Variants in NOSTRIN observed in about 807,000 individuals in gnomAD.
NOSTRIN encodes the protein BM247 homolog.
In NOSTRIN, 63 loss-of-function variants were observed where a neutral mutation model predicts 59.0. The ratio of observed to expected loss-of-function variants is 1.07; its 90% CI spans 0.87 to 1.32. The LOEUF (loss-of-function observed/expected upper bound fraction) is 1.32, where lower values mean the gene tolerates loss of function less well. Among genes scored for constraint, NOSTRIN ranks in the 40% most tolerant of loss-of-function variants. The pLI is 0.00. For synonymous variants in NOSTRIN, 200 were observed against 165.4 expected (o/e 1.21, Z -1.61); for missense variants, 512 against 473.1 (o/e 1.08, Z -0.76).
rs1369835587 is a variant in NOSTRIN, at chr2:168,824,615, A to G, written c.114-19A>G. On this transcript the variant is annotated intron_variant, in intron 2 of 15. Coordinates refer to ENST00000317647, the MANE Select transcript of NOSTRIN (RefSeq NM_001039724.4). Reference sequence around the variant, plus strand: ...TGCCCAGCCCAGTACATCCTATTTAACTAGTCCTTTTCTAACAGGGCAAAC... The same window carrying G: ...TGCCCAGCCCAGTACATCCTATTTAGCTAGTCCTTTTCTAACAGGGCAAAC... 1 of 870,820 alleles carries G rather than the reference A, an allele frequency of 1.1e-6. No homozygotes were observed. The highest frequency in any genetic ancestry group is 2.0e-6 in the Non-Finnish European group (1 of 500,274). The allele number at this position is 870,820 out of a possible 1,614,324, so 53.9% of individuals were successfully genotyped here.
At chr2:168,809,720 A>G (rs1033051186) in intron 1 of NOSTRIN, among the ~76,000 whole-genome samples, 3 of 147,968 alleles carry the variant, frequency 2.0e-5, no homozygotes, top group Non-Finnish European at 4.5e-5. Context: ...AATAATAAAT[A>G]TATTATTATA....
intron 2 of NOSTRIN, among the ~76,000 whole-genome samples, chr2:168,790,556 C>G (rs372605906): frequency 3.3e-5 from 5 of 152,154 alleles, no homozygotes; most frequent in Non-Finnish European, 7.3e-5. Flanking sequence ...CATGAGCAAA[C>G]ATCAGATAAG....
chr2:168,813,098 A>T (rs1352764266), intron 2 of NOSTRIN, among the ~76,000 whole-genome samples: 1 of 152,178 alleles, frequency 6.6e-6, no homozygotes, highest in Non-Finnish European at 1.5e-5. Flanking sequence ...GCCATCTGAG[A>T]GGGAATTTCT....
At chr2:168,837,229 T>A (rs1260916721) in intron 7 of NOSTRIN, among the ~76,000 whole-genome samples, 1 of 151,434 alleles carries the variant, frequency 6.6e-6, no homozygotes, top group East Asian at 1.9e-4. Context: ...GGTCTCACAT[T>A]CCTCTCCAGA....
intron 5 of NOSTRIN, among the ~76,000 whole-genome samples, chr2:168,830,909 A>C (rs150450833): frequency 6.6e-6 from 1 of 152,200 alleles, no homozygotes; most frequent in East Asian, 1.9e-4. Flanking sequence ...ACATGTTTAC[A>C]TGCTTTTTAC....
rs1008546056 is a variant in NOSTRIN at position 168,802,653 on chromosome 2, G to A, written c.7G>A (p.Asp3Asn). 2.3e-6 allele frequency: 2 copies of A among 869,604 alleles called. No individual in the cohort carries two copies. Among genetic ancestry groups the A allele is most frequent in the Non-Finnish European group, 4.0e-6 (2 of 500,804 alleles). The allele number at this position is 869,604 out of a possible 1,614,324, so 53.9% of individuals were successfully genotyped here. MR[D>N]PLTDCPYNKV... ...AAGCCAGACACATTTCAACATGAGG[G>A]ACCCACTGACAGATTGTCCGGTGAG... Residue 3 changes from aspartate to asparagine, a missense_variant, in exon 1 of 16, where the codon GAC becomes AAC. Coordinates refer to ENST00000317647, the MANE Select transcript of NOSTRIN (RefSeq NM_001039724.4).
chr2:168,798,392 C>T (rs1309552106), upstream of NOSTRIN, among the ~76,000 whole-genome samples: 1 of 152,180 alleles, frequency 6.6e-6, no homozygotes, highest in Non-Finnish European at 1.5e-5. Context: ...CTTTTTCTTA[C>T]TAGCTTACCA....
chr2:168,824,632 A>G lies in NOSTRIN; in HGVS notation c.114-2A>G. On this transcript the variant is annotated splice_acceptor_variant, in intron 2 of 15. Coordinates refer to ENST00000317647, the MANE Select transcript of NOSTRIN (RefSeq NM_001039724.4). LOFTEE classifies it high-confidence loss of function. ...CCTATTTAACTAGTCCTTTTCTAAC[A>G]GGGCAAACCTGGAAATTAGCTATGC... 1.1e-6 allele frequency: 1 copy of G among 872,206 alleles called. No homozygotes were observed. Among genetic ancestry groups the G allele is most frequent in the South Asian group, 1.3e-5 (1 of 76,528 alleles). The allele number at this position is 872,206 out of a possible 1,614,324, so 54.0% of individuals were successfully genotyped here. A position where few individuals can be genotyped will look rare whatever the true frequency, so the allele number is the denominator to read the frequency against.
At chr2:168,861,484 T>TA (rs79373488) in intron 14 of NOSTRIN, among the ~76,000 whole-genome samples, 1,548 of 141,818 alleles carry the variant, frequency 0.011, 9 homozygotes, top group African/African-American at 0.018. Context: ...GAAATTGGTT[T>TA]AAAAAAAAAA....
At position 168,829,656 on chromosome 2, in the gene NOSTRIN, G is replaced by A. The variant is rs1413819017; in HGVS notation, c.342+1155G>A. ...TCATTTGTGTTCCTTTTTCTTTTTC[G>A]TTGTGTATTATTCAGTAGTTAAGCA... is the stretch of plus-strand genomic sequence containing the variant. On this transcript the variant is annotated intron_variant, in intron 5 of 15. Coordinates refer to ENST00000317647, the MANE Select transcript of NOSTRIN (RefSeq NM_001039724.4). 3.9e-5 allele frequency among the ~76,000 whole-genome samples: 6 copies of A among 151,938 alleles called. No homozygotes were observed. In the East Asian group the frequency reaches 5.8e-4, roughly 15 times the overall value.
At chr2:168,801,909 G>T (rs969013272), upstream of NOSTRIN, among the ~76,000 whole-genome samples, 7 of 152,172 alleles carry the variant, frequency 4.6e-5, no homozygotes, top group Non-Finnish European at 8.8e-5. Context: ...TCCTGTTGGG[G>T]CTGGAGCGAG....
At chr2:168,798,937 G>A (rs1006264647), upstream of NOSTRIN, among the ~76,000 whole-genome samples, 2 of 151,986 alleles carry the variant, frequency 1.3e-5, no homozygotes, top group African/African-American at 2.4e-5. Context: ...GGGGAGTATG[G>A]GGCTCAAGTC....
At position 168,856,774 on chromosome 2, in the gene NOSTRIN, A is replaced by G; in HGVS notation, c.1049A>G (p.Asp350Gly). The G allele has an allele frequency of 1.2e-6, 2 of 1,613,792 alleles. No homozygotes were observed. The highest frequency in any genetic ancestry group is 1.7e-6 in the Non-Finnish European group (2 of 1,179,698). The change falls in exon 12 of 16, where the codon GAT becomes GGT. Residue 350 changes from aspartate to glycine, a missense_variant. Transcript: ENST00000317647. ...KSQKDTAALM[D>G]ENNLKLDLLE... is the part of the protein sequence containing the mutation. ...CAGAAAGACACAGCAGCGTTAATGG[A>G]TGAGGTAAATGTTTGCCGAGTGCAT...
At chr2:168,849,558 G>T (rs7595110) in intron 8 of NOSTRIN, among the ~76,000 whole-genome samples, 3 of 151,202 alleles carry the variant, frequency 2.0e-5, no homozygotes, top group African/African-American at 7.3e-5. Context: ...GTTTTGCCAC[G>T]TTGGGCAGGC....
upstream of NOSTRIN, among the ~76,000 whole-genome samples, chr2:168,796,927 C>T (rs1445565439): frequency 2.6e-5 from 4 of 152,146 alleles, no homozygotes; most frequent in African/African-American, 9.7e-5. Flanking sequence ...AATGAAGTCA[C>T]TCTCTCAGTA....
At position 168,813,067 on chromosome 2, in the gene NOSTRIN, A is replaced by G. The variant is rs371997626; in HGVS notation, c.113+1415A>G. On this transcript the variant is annotated intron_variant, in intron 2 of 15. Transcript: ENST00000317647. ...CTAACAGCCAAATTGCTCTGGTTCC[A>G]TGACAGAGAAAGCGGGAGGTGCCAT... Among the ~76,000 whole-genome samples, 27 of 152,356 alleles carry G rather than the reference A, an allele frequency of 1.8e-4. No homozygotes were observed. In the East Asian group the frequency reaches 2.1e-3, roughly 12 times the overall value.
At chr2:168,844,895 G>A (rs2105727725) in intron 8 of NOSTRIN, among the ~76,000 whole-genome samples, 1 of 149,536 alleles carries the variant, frequency 6.7e-6, no homozygotes, top group South Asian at 2.1e-4. Context: ...AAAAGATTCA[G>A]CCTGGACCTC....
chr2:168,854,353 G>C (rs1688950889), intron 10 of NOSTRIN, among the ~76,000 whole-genome samples: 2 of 152,046 alleles, frequency 1.3e-5, no homozygotes, highest in African/African-American at 4.8e-5. Context: ...TATCAGCGAA[G>C]CCTGCATCCT....
chr2:168,824,761 A>ATGTTT (rs1553523513), intron 3 of NOSTRIN, 44 bp downstream of exon 3: 4 of 478,536 alleles, frequency 8.4e-6, no homozygotes, highest in Non-Finnish European at 1.4e-5. Context: ...CCCTTTTTTT[A>ATGTTT]TTTGTTTTTT....
Sources: allele counts gnomAD v4.1 joint callset (sites outside exome capture counted in the v4.1 genomes callset), GRCh38; gene constraint gnomAD v4.1.1; transcripts MANE v1.5; gene names NCBI Gene and HGNC (gene_info 2026-07-23, HGNC 2026-07-21).